TRMT9B: variants seen among roughly 807,000 people sequenced by gnomAD.
TRMT9B encodes the protein probable tRNA methyltransferase 9B.
In TRMT9B, 16 loss-of-function variants were observed where a neutral mutation model predicts 11.5. The observed-to-expected ratio is 1.39, with a 90% CI of 0.94 to 2.11. The LOEUF is 2.11. Ranked by LOEUF, TRMT9B falls within the 30% of genes most tolerant of loss-of-function variation. The pLI is 0.00. For synonymous variants in TRMT9B, 274 were observed against 192.4 expected (o/e 1.42, Z -3.51); for missense variants, 941 against 553.8 (o/e 1.70, Z -7.02).
At position 13,012,813 on chromosome 8, in the gene TRMT9B, T is replaced by A. The variant is rs968142404; in HGVS notation, c.284T>A (p.Leu95His). The change falls in exon 4 of 5, where the codon CTC (leucine) becomes CAC (histidine). Residue 95 changes from leucine (L) to histidine (H), a missense_variant. Coordinates refer to ENST00000524591, the MANE Select transcript of TRMT9B (RefSeq NM_020844.3). ...GCCATGGTATGTGACAACCTTAATC[T>A]CCCCTTTAGGGATGAGGGCTTCGAT... ...CEAMVCDNLN[L>H]PFRDEGFDAI... 7.4e-6 allele frequency: 12 copies of A among 1,613,794 alleles called. No individual in the cohort carries two copies. The highest frequency in any genetic ancestry group is 8.5e-6 in the Non-Finnish European group (10 of 1,179,878).
chr8:12,973,331 G>T (rs1053553129), intron 1 of TRMT9B, among the ~76,000 whole-genome samples: 1 of 152,126 alleles, frequency 6.6e-6, no homozygotes, highest in Non-Finnish European at 1.5e-5. Context: ...AGAAGAGAAG[G>T]TATTTCTCCC....
intron 4 of TRMT9B, among the ~76,000 whole-genome samples, chr8:13,020,133 C>G (rs1468045012): frequency 6.6e-6 from 1 of 152,186 alleles, no homozygotes; most frequent in African/African-American, 2.4e-5. Context: ...TAGAGCAACC[C>G]TCTCAGGCTC....
intron 2 of TRMT9B, among the ~76,000 whole-genome samples, chr8:12,995,565 C>T (rs1200379296): frequency 1.3e-5 from 2 of 152,086 alleles, no homozygotes; most frequent in African/African-American, 2.4e-5. Flanking sequence ...CCTTGCACTT[C>T]CCCTGGTTTC....
chr8:13,025,991 A>G lies in TRMT9B; in HGVS notation c.*3947A>G, dbSNP rs961911725. ...GATTATTAATGGCCAAAAAAAAAGC[A>G]CTGGTGGATTTTAAATTAAATTAAT... On this transcript the variant is annotated 3_prime_UTR_variant, in exon 5 of 5. Transcript: ENST00000524591. 6.0e-6 allele frequency: 1 copy of G among 167,044 alleles called. No individual in the cohort carries two copies. Among genetic ancestry groups the G allele is most frequent in the South Asian group, 2.1e-4 (1 of 4,834 alleles). The allele number at this position is 167,044 out of a possible 1,614,324, so 10.3% of individuals were successfully genotyped here.
At chr8:12,950,370 C>G (rs4831852) in intron 1 of TRMT9B, among the ~76,000 whole-genome samples, 8,030 of 152,174 alleles carry the variant, frequency 0.053, 259 homozygotes, top group African/African-American at 0.079. Flanking sequence ...TGCTTTGTCT[C>G]CTAATGCACT....
chr8:13,028,526 C>T lies in TRMT9B; in HGVS notation c.*6482C>T, dbSNP rs1482967150. The T allele has an allele frequency of 6.1e-6, 1 of 164,922 alleles. No individual in the cohort carries two copies. The highest frequency in any genetic ancestry group is 2.4e-5 in the African/African-American group (1 of 40,902). The allele number at this position is 164,922 out of a possible 1,614,324, so 10.2% of individuals were successfully genotyped here. ...AGAAGGTACAATTATATTTACATTC[C>T]CTTAGCAAGAATTTGGCTAAGTGAT... On this transcript the variant is annotated 3_prime_UTR_variant, in exon 5 of 5. Coordinates refer to ENST00000524591, the MANE Select transcript of TRMT9B (RefSeq NM_020844.3).
chr8:12,964,171 T>C (rs1802506279), intron 1 of TRMT9B, among the ~76,000 whole-genome samples: 2 of 152,234 alleles, frequency 1.3e-5, no homozygotes, highest in African/African-American at 4.8e-5. Context: ...GACATTAGTT[T>C]TGTTATTTTA....
intron 3 of TRMT9B, chr8:13,010,694 T>G (rs2128893591): frequency 1.0e-6 from 1 of 984,954 alleles, no homozygotes; most frequent in East Asian, 1.1e-4. Flanking sequence ...TTTATTAATA[T>G]CATTGAAGTA....
chr8:13,016,536 A>G (rs905607513), intron 4 of TRMT9B, among the ~76,000 whole-genome samples: 7 of 151,738 alleles, frequency 4.6e-5, no homozygotes, highest in African/African-American at 1.7e-4. Context: ...ATAAGTATAT[A>G]TATATTTGCT....
chr8:12,955,840 C>G (rs2128858966), intron 1 of TRMT9B, among the ~76,000 whole-genome samples: 1 of 152,236 alleles, frequency 6.6e-6, no homozygotes, highest in South Asian at 2.1e-4. Flanking sequence ...TGCGTTGGCT[C>G]CCGGGCGGCA....
intron 1 of TRMT9B, among the ~76,000 whole-genome samples, chr8:12,981,032 A>T (rs1805282977): frequency 6.6e-6 from 1 of 152,240 alleles, no homozygotes; most frequent in Non-Finnish European, 1.5e-5. Context: ...ATATAAATCC[A>T]CGAAGTCACT....
intron 1 of TRMT9B, chr8:12,952,496 G>T (rs1240990439): frequency 8.7e-6 from 2 of 229,232 alleles, no homozygotes; most frequent in Non-Finnish European, 1.8e-5. Context: ...GTGTGAGATT[G>T]GATAAATCAG....
At chr8:12,995,699 A>G (rs1808215954) in intron 2 of TRMT9B, among the ~76,000 whole-genome samples, 1 of 151,900 alleles carries the variant, frequency 6.6e-6, no homozygotes, top group African/African-American at 2.4e-5. Flanking sequence ...TTTGGGAGGG[A>G]ACACTGATTC....
At chr8:13,014,668 A>C (rs1812289629) in intron 4 of TRMT9B, among the ~76,000 whole-genome samples, 1 of 152,180 alleles carries the variant, frequency 6.6e-6, no homozygotes, top group Non-Finnish European at 1.5e-5. Context: ...TATAACCCGG[A>C]GAAAACCTTT....
intron 1 of TRMT9B, among the ~76,000 whole-genome samples, chr8:12,949,760 C>A (rs980104498): frequency 1.3e-5 from 2 of 152,090 alleles, no homozygotes; most frequent in Non-Finnish European, 2.9e-5. Flanking sequence ...TTCATAGGGG[C>A]CTATTACCTA....
intron 1 of TRMT9B, among the ~76,000 whole-genome samples, chr8:12,990,295 C>G (rs866070887): frequency 6.6e-6 from 1 of 152,056 alleles, no homozygotes; most frequent in East Asian, 1.9e-4. Context: ...ATCACAAGAC[C>G]TCTATATTAC....
chr8:12,952,742 T>G lies in TRMT9B; in HGVS notation c.-200+6776T>G, dbSNP rs540365319. 3.1e-3 allele frequency: 2,800 copies of G among 903,654 alleles called. 6 individuals are homozygous for G. Among genetic ancestry groups the G allele is most frequent in the Non-Finnish European group, 3.5e-3 (2,642 of 757,718 alleles). The allele number at this position is 903,654 out of a possible 1,614,324, so 56.0% of individuals were successfully genotyped here. A position where few individuals can be genotyped will look rare whatever the true frequency, so the allele number is the denominator to read the frequency against. ...ATGATATTACTTGCTATGTGTGGGG[T>G]TTTTTTTGTTGTTGTTTGACGGAGT... On this transcript the variant is annotated intron_variant, in intron 1 of 4. Transcript: ENST00000524591.
At chr8:12,947,669 T>C (rs1199136621) in intron 1 of TRMT9B, among the ~76,000 whole-genome samples, 2 of 152,318 alleles carry the variant, frequency 1.3e-5, no homozygotes, top group East Asian at 3.9e-4. Context: ...ATAAGTAAAA[T>C]AATGGTCAAA....
At chr8:13,016,601 C>T (rs1448911097) in intron 4 of TRMT9B, among the ~76,000 whole-genome samples, 1 of 151,574 alleles carries the variant, frequency 6.6e-6, no homozygotes, top group Non-Finnish European at 1.5e-5. Flanking sequence ...GTTATGCCTT[C>T]ATTTTATTGG....
Sources: gnomAD v4.1 joint callset for allele counts (sites outside exome capture counted in the v4.1 genomes callset) on GRCh38, gnomAD v4.1.1 for gene constraint, MANE v1.5 for transcripts, NCBI Gene and HGNC (gene_info 2026-07-23, HGNC 2026-07-21) for gene names.